CBR4: variants seen among roughly 807,000 people sequenced by gnomAD.
CBR4 encodes the protein 3-oxoacyl-[acyl-carrier-protein] reductase.
Under a neutral mutation model 21.0 loss-of-function variants are expected in CBR4, and 22 were observed. That is an observed-to-expected ratio of 1.05 (90% CI 0.75 to 1.50). The LOEUF (loss-of-function observed/expected upper bound fraction) is 1.50, where lower values mean the gene tolerates loss of function less well. Among genes scored for constraint, CBR4 ranks in the 40% most tolerant of loss-of-function variants. The probability of loss-of-function intolerance (pLI) is 0.00; values close to 1 mark genes in which losing one functional copy is unlikely to be tolerated. For synonymous variants in CBR4, 100 were observed against 104.4 expected (o/e 0.96, Z 0.26); for missense variants, 302 against 286.3 (o/e 1.05, Z -0.40).
At chr4:168,990,912 G>T (rs1379185509) in intron 4 of CBR4, among the ~76,000 whole-genome samples, 1 of 151,894 alleles carries the variant, frequency 6.6e-6, no homozygotes, top group East Asian at 2.0e-4. Context: ...AAATTAGCTG[G>T]GGGTGGTGGT....
Position 168,920,886 on chromosome 4 carries a change from G to A in CBR4, n.170-26121C>T, listed in dbSNP as rs1761343258. ...TGCCAGCTGAGTATTTGTTATTATT[G>A]TTGGACATCTTTTTTCAAAGAAGCC... On this transcript the variant is annotated intron_variant and non_coding_transcript_variant, in intron 2 of 3. Transcript: ENST00000509108. 2.0e-5 allele frequency among the ~76,000 whole-genome samples: 3 copies of A among 152,056 alleles called. No homozygotes were observed. In the South Asian group the frequency reaches 6.2e-4, roughly 32 times the overall value.
At chr4:168,996,486 A>T (rs1765209030) in intron 4 of CBR4, among the ~76,000 whole-genome samples, 1 of 148,844 alleles carries the variant, frequency 6.7e-6, no homozygotes, top group South Asian at 2.1e-4. Flanking sequence ...ATAAACCAAT[A>T]TTGATACATT....
chr4:168,908,376 G>T (rs1018297226), intron 2 of CBR4, among the ~76,000 whole-genome samples: 1 of 151,968 alleles, frequency 6.6e-6, no homozygotes, highest in Non-Finnish European at 1.5e-5. Context: ...TGCCATTCTG[G>T]AAATGTTTAA....
intron 2 of CBR4, among the ~76,000 whole-genome samples, chr4:168,936,815 G>A (rs1194879645): frequency 6.6e-6 from 1 of 152,162 alleles, no homozygotes; most frequent in African/African-American, 2.4e-5. Flanking sequence ...TTTGACTAGT[G>A]CACCTGAAAG....
intron 2 of CBR4, among the ~76,000 whole-genome samples, chr4:168,959,874 T>TAAAA (rs70961565): frequency 1.4e-5 from 2 of 143,682 alleles, no homozygotes; most frequent in Non-Finnish European, 3.0e-5. Flanking sequence ...CAATTTCTAT[T>TAAAA]AAAAAAAAAA....
chr4:168,924,497 A>G, intron 2 of CBR4: 2 of 1,310,962 alleles, frequency 1.5e-6, no homozygotes, highest in South Asian at 2.4e-5. Flanking sequence ...TTTATATAGC[A>G]TGGAAATCTA....
chr4:169,007,506 CA>C (rs1346482178), intron 2 of CBR4, 129 bp downstream of exon 2: 1 of 475,844 alleles, frequency 2.1e-6, no homozygotes, highest in Non-Finnish European at 3.4e-6. Context: ...TATGGATTGA[CA>C]AGTTTTAAAA....
rs528389256 is a variant in CBR4 at position 168,940,854 on chromosome 4, T to C, written n.170-46089A>G. Among the ~76,000 whole-genome samples the C allele has an allele frequency of 2.6e-5, 4 of 152,302 alleles. No homozygotes were observed. In the East Asian group the frequency reaches 7.7e-4, roughly 29 times the overall value. On this transcript the variant is annotated intron_variant and non_coding_transcript_variant, in intron 2 of 3. Transcript: ENST00000509108. ...GTGGGAGTGTAAATTAGTTCAACCA[T>C]TGTGGAAGACAGTGTGGCGATTCCT...
At chr4:168,956,261 C>G (rs2126714263) in intron 2 of CBR4, among the ~76,000 whole-genome samples, 1 of 152,104 alleles carries the variant, frequency 6.6e-6, no homozygotes, top group South Asian at 2.1e-4. Flanking sequence ...TGGGAGGACC[C>G]CAGATACAGG....
intron 2 of CBR4, among the ~76,000 whole-genome samples, chr4:168,913,111 T>C (rs759600184): frequency 3.2e-4 from 48 of 150,824 alleles, no homozygotes; most frequent in Non-Finnish European, 6.2e-4. Flanking sequence ...TTTTAATGTA[T>C]GGTTTGGGGA....
intron 2 of CBR4, 136 bp downstream of exon 2, chr4:169,007,500 G>T: frequency 6.5e-6 from 3 of 458,046 alleles, no homozygotes; most frequent in Non-Finnish European, 1.1e-5. Flanking sequence ...ATAATTTATG[G>T]ATTGACAAGT....
Position 169,010,133 on chromosome 4 carries a change from C to CCCCCCTCCAGGTT in CBR4, c.-45_-44insAACCTGGAGGGGG. ...GAGGAAAGAGGGTAGGGAGTGGGAG[C>CCCCCCTCCAGGTT]CCCTCTCCAGGTTCCCTCAGGCTTT... On this transcript the variant is annotated 5_prime_UTR_variant, in exon 1 of 5. Coordinates refer to ENST00000306193, the MANE Select transcript of CBR4 (RefSeq NM_032783.5). 6.6e-7 allele frequency: 1 copy of CCCCCCTCCAGGTT among 1,520,492 alleles called. No homozygotes were observed. The highest frequency in any genetic ancestry group is 2.6e-5 in the East Asian group (1 of 38,824). 94.2% of individuals were successfully genotyped at this position (1,520,492 alleles called of 1,614,324 possible).
chr4:168,902,385 T>C (rs539123698), intron 2 of CBR4, among the ~76,000 whole-genome samples: 8 of 152,334 alleles, frequency 5.3e-5, no homozygotes, highest in South Asian at 4.1e-4. Context: ...GATGTAGCTA[T>C]TAATTCAGCA....
chr4:168,908,047 G>A (rs1388157952), intron 2 of CBR4, among the ~76,000 whole-genome samples: 2 of 152,200 alleles, frequency 1.3e-5, no homozygotes, highest in African/African-American at 2.4e-5. Context: ...GTGTGTAAAT[G>A]TATATATCCC....
chr4:169,006,437 A>C (rs992750320), intron 3 of CBR4, among the ~76,000 whole-genome samples: 1 of 152,236 alleles, frequency 6.6e-6, no homozygotes, highest in Non-Finnish European at 1.5e-5. Context: ...GCACGGCAAC[A>C]ATCTACTGAA....
At chr4:168,991,705 A>G (rs935103179) in intron 4 of CBR4, among the ~76,000 whole-genome samples, 2 of 152,204 alleles carry the variant, frequency 1.3e-5, no homozygotes, top group Admixed American at 6.5e-5. Context: ...ACATACAAAT[A>G]CGTATTAATA....
In CBR4 at chr4:168,962,499, G is replaced by C. The variant is rs1473526140; in HGVS notation, n.169+39572C>G. Among the ~76,000 whole-genome samples, 3 of 152,154 alleles carry C rather than the reference G, an allele frequency of 2.0e-5. No individual in the cohort carries two copies. The East Asian group carries it at 5.8e-4, about 29-fold the overall frequency. Reference sequence around the variant, plus strand: ...AAGAAAGACTTGAGGATAATACTCAGGTCTCTGGCTTGATCCACTAAATAA... The same window carrying C: ...AAGAAAGACTTGAGGATAATACTCACGTCTCTGGCTTGATCCACTAAATAA... On this transcript the variant is annotated intron_variant and non_coding_transcript_variant, in intron 2 of 3. Coordinates refer to the CBR4 transcript ENST00000509108.
At chr4:168,991,336 T>C (rs916422643) in intron 4 of CBR4, among the ~76,000 whole-genome samples, 3 of 152,280 alleles carry the variant, frequency 2.0e-5, no homozygotes, top group East Asian at 1.9e-4. Flanking sequence ...ATATAAAATA[T>C]CATAGAATAC....
At chr4:168,939,445 C>T (rs981413476) in intron 2 of CBR4, among the ~76,000 whole-genome samples, 2 of 152,124 alleles carry the variant, frequency 1.3e-5, no homozygotes, top group African/African-American at 2.4e-5. Context: ...AAGTTCTGGA[C>T]AGGGCAATCA....
Sources: gnomAD v4.1 joint callset for allele counts (sites outside exome capture counted in the v4.1 genomes callset) on GRCh38, gnomAD v4.1.1 for gene constraint, MANE v1.5 for transcripts, NCBI Gene and HGNC (gene_info 2026-07-23, HGNC 2026-07-21) for gene names.